The following NTHL1 variants were observed in gnomAD, a reference collection of about 807,000 sequenced individuals.
NTHL1 encodes nth like DNA glycosylase 1.
A neutral mutation model predicts 32.3 loss-of-function variants in NTHL1; 32 were observed. The ratio of observed to expected loss-of-function variants is 0.99; its 90% CI spans 0.75 to 1.33. The LOEUF (loss-of-function observed/expected upper bound fraction) is 1.33. Ranked by LOEUF, NTHL1 falls within the 40% of genes most tolerant of loss-of-function variation. The probability of loss-of-function intolerance (pLI) is 0.00; values close to 1 mark genes in which losing one functional copy is unlikely to be tolerated. For missense variants in NTHL1, 501 were observed against 414.1 expected (o/e 1.21, Z -1.82); for synonymous variants, 188 against 176.9 (o/e 1.06, Z -0.50).
Position 2,040,232 on chromosome 16 carries a change from T to C in NTHL1, c.692A>G (p.Asp231Gly). 6.2e-7 allele frequency: 1 copy of C among 1,613,490 alleles called. No homozygotes were observed. Among genetic ancestry groups the C allele is most frequent in the Non-Finnish European group, 8.5e-7 (1 of 1,179,986 alleles). Residue 231 changes from aspartate (D) to glycine (G), a missense_variant, in exon 5 of 6, where the codon GAC becomes GGC. By Grantham distance (94) the Asp-to-Gly change is moderately conservative (BLOSUM62 -1). Transcript: ENST00000651570. The stretch of plus-strand genomic sequence containing the variant: ...GTTGGCGATTCTGTGCACATGCGTG[T>C]CCACTGCTGCTGGGAGGCCAAGCGG... ...AWGTVSGIAV[D>G]THVHRIANRL... is the part of the protein sequence containing the mutation.
Position 2,043,748 on chromosome 16 carries a change from A to C in NTHL1, c.526-22T>G. ...TGCTCTGAAAGACAGGGGTGGGTTC[A>C]GCCTTGGAGGCAAGGGCACAGCCCA... On this transcript the variant is annotated intron_variant, in intron 3 of 5. Transcript: ENST00000651570. The surrounding 1 kb of genome is among the most constrained non-coding windows in gnomAD (Gnocchi z 4.4). 6.2e-7 allele frequency: 1 copy of C among 1,610,102 alleles called. No homozygotes were observed. The highest frequency in any genetic ancestry group is 8.5e-7 in the Non-Finnish European group (1 of 1,179,898).
rs967003354 is a variant in NTHL1, at chr16:2,043,979, C to T, written c.526-253G>A. 56 of 536,224 alleles carry T rather than the reference C, an allele frequency of 1.0e-4. No individual in the cohort carries two copies. In the Admixed American group the frequency reaches 1.1e-3, roughly 11 times the overall value. The allele number at this position is 536,224 out of a possible 1,614,324, so 33.2% of individuals were successfully genotyped here. A position where few individuals can be genotyped will look rare whatever the true frequency, so the allele number is the denominator to read the frequency against. On this transcript the variant is annotated intron_variant, in intron 3 of 5. Transcript: ENST00000651570. The surrounding 1 kb of genome is among the most constrained non-coding windows in gnomAD (Gnocchi z 4.4). ...AGGCTCTGGCTGGGGTTCCCCTGCC[C>T]GTCATTCCCTGCCAGCACCCAGGCC...
At chr16:2,040,425 G>A in intron 4 of NTHL1, 187 bp from the exon 5 acceptor site, 3 of 660,960 alleles carry the variant, frequency 4.5e-6, no homozygotes, top group Non-Finnish European at 8.2e-6. Flanking sequence ...GGCAGGGGCT[G>A]AGCCCTCTGT....
Position 2,043,931 on chromosome 16 carries a change from G to C in NTHL1, c.526-205C>G. 1.6e-6 allele frequency: 1 copy of C among 607,496 alleles called. No individual in the cohort carries two copies. The highest frequency in any genetic ancestry group is 2.9e-6 in the Non-Finnish European group (1 of 339,730). 37.6% of individuals were successfully genotyped at this position (607,496 alleles called of 1,614,324 possible). ...TAGGCCTGACCCCCTCCTCCCACCC[G>C]TGTGGGCCAATGATGCACGTGTAGG... On this transcript the variant is annotated intron_variant, in intron 3 of 5. Transcript: ENST00000651570. This position sits in a 1 kb window ranked among gnomAD's most constrained non-coding sequence, Gnocchi z 4.4.
intron 4 of NTHL1, among the ~76,000 whole-genome samples, chr16:2,042,613 G>T (rs564672567): frequency 6.6e-6 from 1 of 152,134 alleles, no homozygotes; most frequent in Non-Finnish European, 1.5e-5. Flanking sequence ...GCCCGGCTGC[G>T]TGTGGCCTTA....
In NTHL1 at chr16:2,039,961, A is replaced by G. The variant is rs1356886015; in HGVS notation, c.878T>C (p.Leu293Pro). The G allele has an allele frequency of 6.2e-7, 1 of 1,607,296 alleles. No homozygotes were observed. Among genetic ancestry groups the G allele is most frequent in the Non-Finnish European group, 8.5e-7 (1 of 1,179,934 alleles). ...GGCGGCCGGGCAGAGGGCTTGGTTG[A>G]GGCAGGCGTGGCAGCGAGGGTGCAC... ...LPVHPRCHAC[L>P]NQALCPAAQG... Residue 293 changes from leucine (L) to proline (P), a missense_variant, in exon 6 of 6, where the codon CTC becomes CCC. Coordinates refer to ENST00000651570, the MANE Select transcript of NTHL1 (RefSeq NM_002528.7).
chr16:2,039,838 T>G lies in NTHL1; in HGVS notation c.*86A>C. The G allele has an allele frequency of 1.3e-6, 2 of 1,577,998 alleles. No homozygotes were observed. The highest frequency in any genetic ancestry group is 2.2e-5 in the East Asian group (1 of 44,654). On this transcript the variant is annotated 3_prime_UTR_variant, in exon 6 of 6. Transcript: ENST00000651570. ...TCCCATCTGCAAACACACCAAAGCT[T>G]TATTCAACAGGCGTGGCTTCCTGAA...
intron 4 of NTHL1, chr16:2,042,159 G>T: frequency 1.1e-5 from 5 of 452,710 alleles, no homozygotes; most frequent in South Asian, 7.8e-5. Flanking sequence ...GGAGAGGGAG[G>T]TATTTCCACA....
chr16:2,047,644 C>G (rs2084507613), intron 1 of NTHL1, 65 bp downstream of exon 1: 2 of 1,520,368 alleles, frequency 1.3e-6, no homozygotes, highest in East Asian at 5.0e-5. Context: ...AGGAGGCGGC[C>G]CGGGACTCCA....
Position 2,044,022 on chromosome 16 carries a change from C to T in NTHL1, c.526-296G>A, listed in dbSNP as rs1035926508. 15 of 475,824 alleles carry T rather than the reference C, an allele frequency of 3.2e-5. No homozygotes were observed. Among genetic ancestry groups the T allele is most frequent in the Middle Eastern group, 5.8e-4 (1 of 1,724 alleles). 29.5% of individuals were successfully genotyped at this position (475,824 alleles called of 1,614,324 possible). On this transcript the variant is annotated intron_variant, in intron 3 of 5. Transcript: ENST00000651570. The surrounding 1 kb of genome is among the most constrained non-coding windows in gnomAD (Gnocchi z 5.0). ...CCCAGGCCAGGCCAAGCAGGCCAGC[C>T]GCTCCCAGGAGTGGGGCTTGGCTGC...
In NTHL1 at chr16:2,047,770, C is replaced by T. The variant is rs967224859; in HGVS notation, c.54G>A (p.Gly18=). The part of the protein sequence containing the change: ...MLTRSRSLGP[G]AGPRGCREEP... ...CCTCCCTACACCCCCGCGGCCCAGC[C>T]CCGGGTCCCAGGCTCCGGCTCCGGG... The change falls in exon 1 of 6, where the codon GGG becomes GGA. Residue 18 remains glycine, a synonymous_variant. Coordinates refer to ENST00000651570, the MANE Select transcript of NTHL1 (RefSeq NM_002528.7). The T allele has an allele frequency of 6.3e-7, 1 of 1,587,984 alleles. No homozygotes were observed. The highest frequency in any genetic ancestry group is 1.3e-5 in the African/African-American group (1 of 74,530).
rs749620192 is a variant in NTHL1 at position 2,039,918 on chromosome 16, C to T, written c.*6G>A. Reference sequence around the variant, plus strand: ...CAGCGGCACCTCGGCCAGAGCCATGCGGCCATCAGAGACCCTGGGCGGCCG... The same window carrying T: ...CAGCGGCACCTCGGCCAGAGCCATGTGGCCATCAGAGACCCTGGGCGGCCG... On this transcript the variant is annotated 3_prime_UTR_variant, in exon 6 of 6. Coordinates refer to ENST00000651570, the MANE Select transcript of NTHL1 (RefSeq NM_002528.7). 17 of 1,600,678 alleles carry T rather than the reference C, an allele frequency of 1.1e-5. No homozygotes were observed. Among genetic ancestry groups the T allele is most frequent in the East Asian group, 6.7e-5 (3 of 44,884 alleles).
Position 2,043,199 on chromosome 16 carries a change from TGGG to T in NTHL1, c.685+365_685+367del, listed in dbSNP as rs1422755742. Among the ~76,000 whole-genome samples, 1 of 151,362 alleles carries T rather than the reference TGGG, an allele frequency of 6.6e-6. No individual in the cohort carries two copies. Among genetic ancestry groups the T allele is most frequent in the Admixed American group, 6.6e-5 (1 of 15,220 alleles). On this transcript the variant is annotated intron_variant, in intron 4 of 5. Transcript: ENST00000651570. The surrounding 1 kb of genome is among the most constrained non-coding windows in gnomAD (Gnocchi z 4.4). ...GCAGCTCTCAGGTGAAGGATGACCTTGGGGGCCTTCCCAGAGGCCCTGGGCCCA... is the reference window on the plus strand; with the variant it reads ...GCAGCTCTCAGGTGAAGGATGACCTTGGCCTTCCCAGAGGCCCTGGGCCCA...
In NTHL1 at chr16:2,039,939, G is replaced by A. The variant is rs569494714; in HGVS notation, c.900C>T (p.Ala300=). 2.1e-4 allele frequency: 341 copies of A among 1,603,718 alleles called. 4 individuals carry two copies. In the South Asian group the frequency reaches 3.3e-3, roughly 15 times the overall value. Residue 300 remains alanine (A), a synonymous_variant, in exon 6 of 6, where the codon GCC becomes GCT. Coordinates refer to ENST00000651570, the MANE Select transcript of NTHL1 (RefSeq NM_002528.7). The part of the protein sequence containing the change: ...HACLNQALCP[A]AQGL Reference sequence around the variant, plus strand: ...CATGCGGCCATCAGAGACCCTGGGCGGCCGGGCAGAGGGCTTGGTTGAGGC... The same window carrying A: ...CATGCGGCCATCAGAGACCCTGGGCAGCCGGGCAGAGGGCTTGGTTGAGGC...
rs570207174 is a variant in NTHL1, at chr16:2,047,429, A to G, written c.115+280T>C. 16 of 518,098 alleles carry G rather than the reference A, an allele frequency of 3.1e-5. No individual in the cohort carries two copies. The South Asian group carries it at 3.7e-4, about 12-fold the overall frequency. 32.1% of individuals were successfully genotyped at this position (518,098 alleles called of 1,614,324 possible). On this transcript the variant is annotated intron_variant, in intron 1 of 5. Transcript: ENST00000651570. ...CGGGGATGGGACCCACAGAGCCTGGAGTGGAGAGTCCCGGACAGAGTGGTG... is the reference window on the plus strand; with the variant it reads ...CGGGGATGGGACCCACAGAGCCTGGGGTGGAGAGTCCCGGACAGAGTGGTG...
intron 4 of NTHL1, among the ~76,000 whole-genome samples, chr16:2,041,313 G>A (rs901756551): frequency 2.0e-5 from 3 of 152,214 alleles, no homozygotes; most frequent in Non-Finnish European, 4.4e-5. Flanking sequence ...CTGCCCACCT[G>A]GACAGTGAAT....
In NTHL1 at chr16:2,043,955, G is replaced by C. The variant is rs1567369526; in HGVS notation, c.526-229C>G. The C allele has an allele frequency of 7.0e-6, 4 of 573,152 alleles. No homozygotes were observed. The East Asian group carries it at 1.2e-4, about 17-fold the overall frequency. 35.5% of individuals were successfully genotyped at this position (573,152 alleles called of 1,614,324 possible). ...CGTGTGGGCCAATGATGCACGTGTA[G>C]GCTCTGGCTGGGGTTCCCCTGCCCG... On this transcript the variant is annotated intron_variant, in intron 3 of 5. Coordinates refer to ENST00000651570, the MANE Select transcript of NTHL1 (RefSeq NM_002528.7). The surrounding 1 kb of genome is among the most constrained non-coding windows in gnomAD (Gnocchi z 4.4).
chr16:2,040,255 CG>C lies in NTHL1; in HGVS notation c.686-18del. 1 of 1,610,094 alleles carries C rather than the reference CG, an allele frequency of 6.2e-7. No homozygotes were observed. Reference sequence around the variant, plus strand: ...TGTCCACTGCTGCTGGGAGGCCAAGCGGGGTGAACAGGGGCACACTCCACCA... The same window carrying C: ...TGTCCACTGCTGCTGGGAGGCCAAGCGGGTGAACAGGGGCACACTCCACCA... On this transcript the variant is annotated intron_variant, in intron 4 of 5. Transcript: ENST00000651570.
rs774831009 is a variant in NTHL1 at position 2,046,312 on chromosome 16, C to A, written c.170G>T (p.Arg57Leu). The A allele has an allele frequency of 1.2e-6, 2 of 1,612,576 alleles. No homozygotes were observed. Among genetic ancestry groups the A allele is most frequent in the Admixed American group, 1.7e-5 (1 of 60,022 alleles). The change falls in exon 2 of 6, where the codon CGT (arginine) becomes CTT (leucine). Residue 57 changes from arginine (R) to leucine (L), a missense_variant. Physicochemically the swap from Arg to Leu is moderately radical, Grantham distance 102. Coordinates refer to ENST00000651570, the MANE Select transcript of NTHL1 (RefSeq NM_002528.7). ...VKRPRKAQRL[R>L]VAYEGSDSEK... ...ACTGTCCGAGCCCTCATAGGCCACA[C>A]GCAGTCTCTGTGCTTTCCGCGGACG...
Sources: allele counts gnomAD v4.1 joint callset (sites outside exome capture counted in the v4.1 genomes callset), GRCh38; gene constraint gnomAD v4.1.1; non-coding constraint Gnocchi (gnomAD v3.1); transcripts MANE v1.5; gene names NCBI Gene and HGNC (gene_info 2026-07-23, HGNC 2026-07-21).